The following MAGI2 variants were observed in gnomAD, a reference collection of about 807,000 sequenced individuals.
MAGI2 encodes membrane associated guanylate kinase, WW and PDZ domain containing 2, also known as membrane-associated guanylate kinase, WW and PDZ domain-containing protein 2.
MAGI2 carries 35 observed loss-of-function variants against 133.3 expected under a neutral mutation model. That is an observed-to-expected ratio of 0.26 (90% CI 0.20 to 0.35). MAGI2 has a LOEUF of 0.35. Among genes scored for constraint, MAGI2 ranks in the 10% least tolerant of loss-of-function variants. The probability of loss-of-function intolerance (pLI) is 1.00; values close to 1 mark genes in which losing one functional copy is unlikely to be tolerated. For missense variants in MAGI2, 1,636 were observed against 1,863.4 expected, an observed-to-expected ratio of 0.88 and a Z score of 2.25; for synonymous variants, 729 against 710.6, an observed-to-expected ratio of 1.03 and a Z score of -0.41.
chr7:79,176,109 T>C (rs565048341), intron 1 of MAGI2, among the ~76,000 whole-genome samples: 2 of 152,132 alleles, frequency 1.3e-5, no homozygotes, highest in South Asian at 2.1e-4. Flanking sequence ...TAAATGAAAA[T>C]GTCACCCCTT....
chr7:78,492,188 G>A (rs1793686478), intron 5 of MAGI2, among the ~76,000 whole-genome samples: 3 of 152,028 alleles, frequency 2.0e-5, no homozygotes, highest in Admixed American at 6.6e-5. Flanking sequence ...ATTTAGTAGA[G>A]AACTGTGAAT....
chr7:79,075,522 A>G (rs1815383065), intron 1 of MAGI2, among the ~76,000 whole-genome samples: 1 of 152,152 alleles, frequency 6.6e-6, no homozygotes, highest in Non-Finnish European at 1.5e-5. Context: ...ACACTTTGGG[A>G]GGCTGATGTG....
chr7:78,513,431 C>A lies in MAGI2; in HGVS notation c.754+7999G>T, dbSNP rs147470842. 5.4e-3 allele frequency among the ~76,000 whole-genome samples: 825 copies of A among 152,254 alleles called. 8 individuals are homozygous for A. Among genetic ancestry groups the A allele is most frequent in the African/African-American group, 0.019 (783 of 41,560 alleles). ...AGTCCTCAGCCAGAAATAACTAGAG[C>A]CATCACTGACAATAAAGTAGCTGTG... On this transcript the variant is annotated intron_variant, in intron 4 of 21. Transcript: ENST00000354212.
intron 4 of MAGI2, among the ~76,000 whole-genome samples, chr7:78,505,344 A>G (rs1047747175): frequency 6.6e-6 from 1 of 152,190 alleles, no homozygotes; most frequent in Non-Finnish European, 1.5e-5. Context: ...ATTGCCCTTA[A>G]GAGGGAAATT....
chr7:78,903,530 T>C (rs1360909280), intron 2 of MAGI2, among the ~76,000 whole-genome samples: 1 of 152,148 alleles, frequency 6.6e-6, no homozygotes, highest in Non-Finnish European at 1.5e-5. Flanking sequence ...ACTTTGAAGG[T>C]ACATTTCCCA....
chr7:79,369,603 T>G (rs1041595760), intron 1 of MAGI2, among the ~76,000 whole-genome samples: 1 of 152,194 alleles, frequency 6.6e-6, no homozygotes, highest in African/African-American at 2.4e-5. Flanking sequence ...CAAATCTATT[T>G]TCCCAGGCTT....
chr7:79,129,005 G>C (rs907988548), intron 1 of MAGI2, among the ~76,000 whole-genome samples: 2 of 152,028 alleles, frequency 1.3e-5, no homozygotes, highest in Non-Finnish European at 2.9e-5. Flanking sequence ...CGAGTAGCTG[G>C]GATTACAGGC....
At position 79,443,289 on chromosome 7, in the gene MAGI2, T is replaced by C. The variant is rs865919291; in HGVS notation, c.301+9731A>G. Reference sequence around the variant, plus strand: ...GTGTGTGTGTGTGTGTGTGTGCGTGTGTGTGTGTGTGTGTGTGTGTGTGTG... The same window carrying C: ...GTGTGTGTGTGTGTGTGTGTGCGTGCGTGTGTGTGTGTGTGTGTGTGTGTG... On this transcript the variant is annotated intron_variant, in intron 1 of 21. Coordinates refer to ENST00000354212, the MANE Select transcript of MAGI2 (RefSeq NM_012301.4). 9.9e-5 allele frequency among the ~76,000 whole-genome samples: 13 copies of C among 131,012 alleles called. No individual in the cohort carries two copies. In the East Asian group the frequency reaches 2.2e-3, roughly 23 times the overall value. The allele number at this position is 131,012 out of a possible 152,430, so 85.9% of individuals were successfully genotyped here.
intron 2 of MAGI2, among the ~76,000 whole-genome samples, chr7:78,740,127 C>G (rs112451575): frequency 0.075 from 11,375 of 151,402 alleles, 495 homozygotes; most frequent in African/African-American, 0.12. Context: ...CGCCACTGCA[C>G]TCCAGCCTGG....
intron 1 of MAGI2, among the ~76,000 whole-genome samples, chr7:79,109,379 C>T (rs961935183): frequency 8.5e-5 from 13 of 152,228 alleles, no homozygotes; most frequent in Admixed American, 5.2e-4. Context: ...GAAAGGCCAC[C>T]CATGTTATGC....
At chr7:78,097,605 T>C (rs184987070) in intron 20 of MAGI2, among the ~76,000 whole-genome samples, 277 of 152,218 alleles carry the variant, frequency 1.8e-3, no homozygotes, top group Non-Finnish European at 3.2e-3. Flanking sequence ...TAGTGGGAGC[T>C]AAATGATAAG....
At chr7:78,873,046 G>A (rs955100270) in intron 2 of MAGI2, among the ~76,000 whole-genome samples, 1 of 152,062 alleles carries the variant, frequency 6.6e-6, no homozygotes, top group South Asian at 2.1e-4. Context: ...AGAGAAATTT[G>A]CATACATCAG....
intron 2 of MAGI2, among the ~76,000 whole-genome samples, chr7:79,000,930 T>G (rs1806793519): frequency 6.6e-6 from 1 of 152,192 alleles, no homozygotes; most frequent in Non-Finnish European, 1.5e-5. Context: ...TTATTCACTG[T>G]TTTTTGAGAT....
intron 2 of MAGI2, among the ~76,000 whole-genome samples, chr7:78,741,848 C>A (rs1285238192): frequency 6.6e-6 from 1 of 152,060 alleles, no homozygotes; most frequent in Non-Finnish European, 1.5e-5. Context: ...TACCAATGCA[C>A]TTATAAACAC....
chr7:79,442,451 A>AGTGTGTGTGTGTGTGT (rs3028947), intron 1 of MAGI2, among the ~76,000 whole-genome samples: 47 of 145,222 alleles, frequency 3.2e-4, no homozygotes, highest in South Asian at 1.4e-3. Context: ...GTGTTTGAAG[A>AGTGTGTGTGTGTGTGT]GTGTGTGTGT....
intron 1 of MAGI2, among the ~76,000 whole-genome samples, chr7:79,324,621 T>A (rs866967485): frequency 1.9e-5 from 1 of 53,300 alleles, no homozygotes; most frequent in African/African-American, 8.7e-5. Flanking sequence ...ATATATATAA[T>A]ATATATATTA....
intron 6 of MAGI2, among the ~76,000 whole-genome samples, chr7:78,372,886 C>A (rs1794064705): frequency 6.6e-6 from 1 of 152,092 alleles, no homozygotes; most frequent in African/African-American, 2.4e-5. Flanking sequence ...ACAGAGACCC[C>A]TTTATGGTAG....
rs951618612 is a variant in MAGI2, at chr7:79,053,521, GA to G, written c.302-46316del. ...TCCAATAATTCAATTCATTTAAAGTGAAAAAAAAACTTTATAATATGTATCC... is the reference window on the plus strand; with the variant it reads ...TCCAATAATTCAATTCATTTAAAGTGAAAAAAAACTTTATAATATGTATCC... On this transcript the variant is annotated intron_variant, in intron 1 of 21. Coordinates refer to ENST00000354212, the MANE Select transcript of MAGI2 (RefSeq NM_012301.4). Among the ~76,000 whole-genome samples the G allele has an allele frequency of 7.3e-5, 11 of 149,724 alleles. No individual in the cohort carries two copies. The East Asian group carries it at 1.2e-3, about 16-fold the overall frequency.
intron 1 of MAGI2, among the ~76,000 whole-genome samples, chr7:79,428,519 A>G (rs1847553012): frequency 6.6e-6 from 1 of 152,204 alleles, no homozygotes; most frequent in African/African-American, 2.4e-5. Context: ...TTGGACTATG[A>G]TTATTCATTA....
Sources: gnomAD v4.1 joint callset for allele counts (sites outside exome capture counted in the v4.1 genomes callset) on GRCh38, gnomAD v4.1.1 for gene constraint, MANE v1.5 for transcripts, NCBI Gene and HGNC (gene_info 2026-07-23, HGNC 2026-07-21) for gene names.